The following EIF5A2 variants were observed in gnomAD, a reference collection of about 807,000 sequenced individuals.
EIF5A2 encodes eukaryotic translation initiation factor 5A2.
Under a neutral mutation model 16.4 loss-of-function variants are expected in EIF5A2, and 15 were observed. That is an observed-to-expected ratio of 0.92 (90% confidence interval 0.61 to 1.41). The LOEUF is 1.41. Ranked by LOEUF, EIF5A2 falls within the 40% of genes most tolerant of loss-of-function variation. The pLI is 0.00. For synonymous variants in EIF5A2, 48 were observed against 61.1 expected, an observed-to-expected ratio of 0.79 and a Z score of 1.00; for missense variants, 144 against 189.5, an observed-to-expected ratio of 0.76 and a Z score of 1.41.
In EIF5A2 at chr3:170,893,370, G is replaced by T; in HGVS notation, c.452C>A (p.Pro151His). The change falls in exon 5 of 5, where the codon CCC becomes CAC. Residue 151 changes from proline to histidine, a missense_variant. By Grantham distance (77) the Pro-to-His change is moderately conservative. Transcript: ENST00000295822. ...GCCTGATGTTTCCGTTTATTTGCAGGGTTTTATGGCTACAGCATATTCTTC... is the reference window on the plus strand; with the variant it reads ...GCCTGATGTTTCCGTTTATTTGCAGTGTTTTATGGCTACAGCATATTCTTC... ...MSEEYAVAIK[P>H]CK 6.2e-7 allele frequency: 1 copy of T among 1,613,748 alleles called. No homozygotes were observed. Among genetic ancestry groups the T allele is most frequent in the South Asian group, 1.1e-5 (1 of 91,068 alleles).
In EIF5A2 at chr3:170,893,402, T is replaced by C; in HGVS notation, c.420A>G (p.Ala140=). 1 of 1,613,954 alleles carries C rather than the reference T, an allele frequency of 6.2e-7. No homozygotes were observed. The highest frequency in any genetic ancestry group is 8.5e-7 in the Non-Finnish European group (1 of 1,179,968). Reference sequence around the variant, plus strand: ...TGGCTACAGCATATTCTTCACTCATTGCACACATGACAGACACCTAGAAGG... The same window carrying C: ...TGGCTACAGCATATTCTTCACTCATCGCACACATGACAGACACCTAGAAGG... ...GEDVQVSVMC[A]MSEEYAVAIK... is the part of the protein sequence containing the mutation. Residue 140 remains alanine (A), a synonymous_variant, in exon 5 of 5, where the codon GCA becomes GCG. Transcript: ENST00000295822.
chr3:170,900,855 C>A lies in EIF5A2; in HGVS notation c.270+6134G>T, dbSNP rs185124307. ...GTTTCTTTTTATAGAAGTATTCTGG[C>A]TAAGAGAAACAAATGAAGGAATGAC... On this transcript the variant is annotated intron_variant, in intron 3 of 4. Transcript: ENST00000295822. Among the ~76,000 whole-genome samples, 68 of 152,192 alleles carry A rather than the reference C, an allele frequency of 4.5e-4. No individual in the cohort carries two copies. The Middle Eastern group carries it at 0.014, about 30-fold the overall frequency.
chr3:170,907,123 A>G (rs370281359), intron 2 of EIF5A2, 30 bp from the exon 3 acceptor site: 303 of 1,458,294 alleles, frequency 2.1e-4, no homozygotes, highest in Non-Finnish European at 2.7e-4. Flanking sequence ...AACCTGTTTA[A>G]TCTCTGCCAA....
Position 170,892,457 on chromosome 3 carries a change from G to T in EIF5A2, c.*903C>A. The stretch of plus-strand genomic sequence containing the variant: ...AAAAAAAAAAAAAAAAAGGAAGTTG[G>T]AAAGGAGTATTTACTGATAAATATT... On this transcript the variant is annotated 3_prime_UTR_variant, in exon 5 of 5. Coordinates refer to ENST00000295822, the MANE Select transcript of EIF5A2 (RefSeq NM_020390.6). 1 of 210,500 alleles carries T rather than the reference G, an allele frequency of 4.8e-6. No individual in the cohort carries two copies. Among genetic ancestry groups the T allele is most frequent in the Non-Finnish European group, 9.2e-6 (1 of 108,122 alleles). The allele number at this position is 210,500 out of a possible 1,614,324, so 13.0% of individuals were successfully genotyped here.
In EIF5A2 at chr3:170,889,346, A is replaced by G. The variant is rs560616249; in HGVS notation, c.*4014T>C. 6.6e-6 allele frequency: 1 copy of G among 152,496 alleles called. No homozygotes were observed. Among genetic ancestry groups the G allele is most frequent in the Non-Finnish European group, 1.5e-5 (1 of 67,940 alleles). 9.4% of individuals were successfully genotyped at this position (152,496 alleles called of 1,614,324 possible). A position where few individuals can be genotyped will look rare whatever the true frequency, so the allele number is the denominator to read the frequency against. On this transcript the variant is annotated 3_prime_UTR_variant, in exon 5 of 5. Coordinates refer to ENST00000295822, the MANE Select transcript of EIF5A2 (RefSeq NM_020390.6). ...TCCCATAGAACATCTGTGTTTCATAAGCTAAATCCAAATGTTCCCTGCTAA... is the reference window on the plus strand; with the variant it reads ...TCCCATAGAACATCTGTGTTTCATAGGCTAAATCCAAATGTTCCCTGCTAA...
At chr3:170,906,845 C>T in intron 3 of EIF5A2, 144 bp downstream of exon 3, 1 of 510,382 alleles carries the variant, frequency 2.0e-6, no homozygotes, top group Non-Finnish European at 3.4e-6. Context: ...CACTATTTCT[C>T]CAATTTCTAA....
At chr3:170,900,854 G>A (rs903906547) in intron 3 of EIF5A2, among the ~76,000 whole-genome samples, 2 of 152,114 alleles carry the variant, frequency 1.3e-5, no homozygotes, top group Admixed American at 6.6e-5. Context: ...AAGTATTCTG[G>A]CTAAGAGAAA....
Position 170,892,650 on chromosome 3 carries a change from C to G in EIF5A2, c.*710G>C. On this transcript the variant is annotated 3_prime_UTR_variant, in exon 5 of 5. Coordinates refer to ENST00000295822, the MANE Select transcript of EIF5A2 (RefSeq NM_020390.6). ...TCACATAAAAACTTATAGATTTAAT[C>G]AACCCTCTTTGCCACTGTCTTTTGT... 2.5e-6 allele frequency: 1 copy of G among 397,458 alleles called. No individual in the cohort carries two copies. The highest frequency in any genetic ancestry group is 4.4e-6 in the Non-Finnish European group (1 of 225,652). 24.6% of individuals were successfully genotyped at this position (397,458 alleles called of 1,614,324 possible). A position where few individuals can be genotyped will look rare whatever the true frequency, so the allele number is the denominator to read the frequency against.
At chr3:170,894,738 G>T (rs1249745050) in intron 3 of EIF5A2, among the ~76,000 whole-genome samples, 1 of 150,622 alleles carries the variant, frequency 6.6e-6, no homozygotes, top group Admixed American at 6.6e-5. Flanking sequence ...ATCAAAATGG[G>T]ATATTGGGCC....
chr3:170,899,672 A>G (rs1211582135), intron 3 of EIF5A2, among the ~76,000 whole-genome samples: 1 of 151,916 alleles, frequency 6.6e-6, no homozygotes, highest in African/African-American at 2.4e-5. Context: ...TAAGGTAGTT[A>G]TCTGCCAGAT....
intron 3 of EIF5A2, among the ~76,000 whole-genome samples, chr3:170,904,575 C>A (rs544672612): frequency 6.6e-6 from 1 of 152,096 alleles, no homozygotes. Context: ...CTTAGTGCAG[C>A]CTTGACCTCC....
intron 3 of EIF5A2, among the ~76,000 whole-genome samples, chr3:170,900,591 C>T (rs1712785492): frequency 6.6e-6 from 1 of 151,908 alleles, no homozygotes; most frequent in Non-Finnish European, 1.5e-5. Context: ...CAAGATGGAA[C>T]AATGTGAGAA....
rs964975248 is a variant in EIF5A2, at chr3:170,889,291, A to T, written c.*4069T>A. 1 of 152,466 alleles carries T rather than the reference A, an allele frequency of 6.6e-6. No homozygotes were observed. The allele number at this position is 152,466 out of a possible 1,614,324, so 9.4% of individuals were successfully genotyped here. On this transcript the variant is annotated 3_prime_UTR_variant, in exon 5 of 5. Coordinates refer to ENST00000295822, the MANE Select transcript of EIF5A2 (RefSeq NM_020390.6). ...TCAGATGTTTGTTTAATGGAAAAAC[A>T]TTAAATTACATATTGGCTTCAAGCC...
intron 3 of EIF5A2, among the ~76,000 whole-genome samples, chr3:170,904,210 A>C (rs1362847525): frequency 3.9e-5 from 6 of 152,246 alleles, no homozygotes; most frequent in African/African-American, 1.4e-4. Flanking sequence ...CTAATCTTGA[A>C]AGAGAAGTTA....
chr3:170,902,398 CTTTTTTTTT>C (rs36044967), intron 3 of EIF5A2, among the ~76,000 whole-genome samples: 2 of 91,378 alleles, frequency 2.2e-5, no homozygotes, highest in Non-Finnish European at 4.0e-5. Flanking sequence ...GCCATTCAGC[CTTTTTTTTT>C]TTTTTTTTTT....
chr3:170,896,085 G>A (rs61792990), intron 3 of EIF5A2, among the ~76,000 whole-genome samples: 2 of 151,956 alleles, frequency 1.3e-5, no homozygotes, highest in Admixed American at 6.6e-5. Context: ...TTAAATGTTC[G>A]TACTGTGCCA....
In EIF5A2 at chr3:170,889,626, C is replaced by T. The variant is rs553850160; in HGVS notation, c.*3734G>A. 2.9e-4 allele frequency: 44 copies of T among 152,622 alleles called. No individual in the cohort carries two copies. The highest frequency in any genetic ancestry group is 9.6e-4 in the African/African-American group (40 of 41,560). 9.5% of individuals were successfully genotyped at this position (152,622 alleles called of 1,614,324 possible). ...ATATGCTTATATTTTCACTCTTACA[C>T]TGCTTAAGAGCCATATTTTCTCATA... On this transcript the variant is annotated 3_prime_UTR_variant, in exon 5 of 5. Coordinates refer to ENST00000295822, the MANE Select transcript of EIF5A2 (RefSeq NM_020390.6).
chr3:170,908,350 A>G (rs986239579), intron 1 of EIF5A2, among the ~76,000 whole-genome samples, 193 bp downstream of exon 1: 12 of 152,074 alleles, frequency 7.9e-5, no homozygotes, highest in African/African-American at 2.9e-4. Flanking sequence ...GCCGGCATCC[A>G]GGGCTCAGCT....
chr3:170,907,824 G>T lies in EIF5A2; in HGVS notation c.-18C>A. 1 of 1,519,674 alleles carries T rather than the reference G, an allele frequency of 6.6e-7. No individual in the cohort carries two copies. Among genetic ancestry groups the T allele is most frequent in the South Asian group, 1.3e-5 (1 of 79,506 alleles). The allele number at this position is 1,519,674 out of a possible 1,614,324, so 94.1% of individuals were successfully genotyped here. On this transcript the variant is annotated 5_prime_UTR_variant, in exon 2 of 5. Coordinates refer to ENST00000295822, the MANE Select transcript of EIF5A2 (RefSeq NM_020390.6). ...TCTGCCATGGTGGGCAGGGGAGATGGTAGTTTTTCCGTGGGAACTACACAA... is the reference window on the plus strand; with the variant it reads ...TCTGCCATGGTGGGCAGGGGAGATGTTAGTTTTTCCGTGGGAACTACACAA...
Sources: gnomAD v4.1 joint callset for allele counts (sites outside exome capture counted in the v4.1 genomes callset) on GRCh38, gnomAD v4.1.1 for gene constraint, MANE v1.5 for transcripts, NCBI Gene and HGNC (gene_info 2026-07-23, HGNC 2026-07-21) for gene names.